Variants in DNAH12 observed in about 807,000 individuals in gnomAD.
DNAH12 encodes axonemal beta dynein heavy chain 12.
In DNAH12, 285 loss-of-function variants were observed where a neutral mutation model predicts 371.5. The observed-to-expected ratio is 0.77, with a 90% confidence interval of 0.70 to 0.85. The LOEUF (loss-of-function observed/expected upper bound fraction) is 0.85, where lower values mean the gene tolerates loss of function less well. Ranked by LOEUF, DNAH12 falls within the 40% of genes least tolerant of loss-of-function variation. DNAH12 has a pLI of 0.00. For synonymous variants in DNAH12, 1,200 were observed against 1,213.0 expected (o/e 0.99, Z 0.22); for missense variants, 3,611 against 3,689.4 (o/e 0.98, Z 0.55).
chr3:57,331,281 G>T (rs780764456), intron 62 of DNAH12, among the ~76,000 whole-genome samples: 7 of 152,146 alleles, frequency 4.6e-5, no homozygotes, highest in Non-Finnish European at 7.4e-5. Flanking sequence ...CCCATCAGGG[G>T]AGCCATTCTG....
At chr3:57,509,572 G>A (rs999429460) in intron 5 of DNAH12, among the ~76,000 whole-genome samples, 6 of 151,920 alleles carry the variant, frequency 3.9e-5, no homozygotes, top group South Asian at 4.1e-4. Context: ...GAGATTACGC[G>A]ACATGGAGGC....
intron 45 of DNAH12, among the ~76,000 whole-genome samples, chr3:57,391,581 A>G (rs2063624443): frequency 6.6e-6 from 1 of 152,194 alleles, no homozygotes; most frequent in African/African-American, 2.4e-5. Flanking sequence ...ACTCATCTTC[A>G]TGACTCAGAA....
chr3:57,495,030 G>T (rs568177669), intron 11 of DNAH12, among the ~76,000 whole-genome samples: 1 of 151,566 alleles, frequency 6.6e-6, no homozygotes, highest in African/African-American at 2.4e-5. Flanking sequence ...TGTTACTAGA[G>T]ATAAACAGAG....
chr3:57,418,598 C>T (rs1255637285), intron 37 of DNAH12, among the ~76,000 whole-genome samples: 2 of 151,256 alleles, frequency 1.3e-5, no homozygotes, highest in Non-Finnish European at 2.9e-5. Flanking sequence ...AATTGTCTTC[C>T]TTGCTTAGCT....
At chr3:57,308,120 CT>C (rs1251103838) in intron 69 of DNAH12, among the ~76,000 whole-genome samples, 6 of 152,290 alleles carry the variant, frequency 3.9e-5, no homozygotes, top group East Asian at 1.9e-4. Flanking sequence ...TTGACATGCC[CT>C]GAGTCAGGAA....
At chr3:57,355,398 A>G (rs1269298137) in intron 59 of DNAH12, among the ~76,000 whole-genome samples, 1 of 152,164 alleles carries the variant, frequency 6.6e-6, no homozygotes, top group Non-Finnish European at 1.5e-5. Flanking sequence ...AAATAAACAA[A>G]TGAACCTAAC....
At chr3:57,308,750 C>T (rs575305848) in intron 69 of DNAH12, among the ~76,000 whole-genome samples, 52 of 152,298 alleles carry the variant, frequency 3.4e-4, no homozygotes, top group African/African-American at 1.2e-3. Flanking sequence ...GGCAAGGCTA[C>T]GCTGAACCTC....
intron 43 of DNAH12, among the ~76,000 whole-genome samples, chr3:57,397,646 A>C (rs2063772796): frequency 6.6e-6 from 1 of 152,204 alleles, no homozygotes; most frequent in African/African-American, 2.4e-5. Context: ...GAGGAATACA[A>C]CGGAATCAGC....
At chr3:57,391,770 A>G (rs1016412269) in intron 45 of DNAH12, 102 bp downstream of exon 45, 1 of 152,226 alleles carries the variant, frequency 6.6e-6, no homozygotes, top group Non-Finnish European at 1.5e-5. Flanking sequence ...TAAGTGATCA[A>G]GAAACACTTG....
At chr3:57,503,804 A>C (rs1335057660) in intron 9 of DNAH12, among the ~76,000 whole-genome samples, 2 of 152,214 alleles carry the variant, frequency 1.3e-5, no homozygotes, top group Admixed American at 1.3e-4. Flanking sequence ...CAAATAAAAA[A>C]ATCAATTCAT....
intron 4 of DNAH12, among the ~76,000 whole-genome samples, chr3:57,521,751 G>A (rs2068454283): frequency 6.6e-6 from 1 of 151,786 alleles, no homozygotes; most frequent in East Asian, 1.9e-4. Context: ...GCTCGGCATG[G>A]TGGCAGGCGC....
intron 4 of DNAH12, among the ~76,000 whole-genome samples, chr3:57,516,035 A>C (rs1324672000): frequency 8.2e-6 from 1 of 121,964 alleles, no homozygotes; most frequent in Admixed American, 8.8e-5. Context: ...TGTCCACTCC[A>C]TTAATGTACT....
chr3:57,425,647 CATATT>C (rs2064743026), intron 34 of DNAH12, among the ~76,000 whole-genome samples: 2 of 152,238 alleles, frequency 1.3e-5, no homozygotes, highest in East Asian at 1.9e-4. Flanking sequence ...TTTAGTTTCC[CATATT>C]ATATTACACA....
chr3:57,423,644 G>A (rs1575582306), intron 35 of DNAH12, among the ~76,000 whole-genome samples: 1 of 152,108 alleles, frequency 6.6e-6, no homozygotes, highest in Non-Finnish European at 1.5e-5. Context: ...TGGGAAACCA[G>A]CATAGACCAG....
chr3:57,458,442 T>C (rs2065962647), intron 20 of DNAH12, among the ~76,000 whole-genome samples: 1 of 152,168 alleles, frequency 6.6e-6, no homozygotes, highest in Non-Finnish European at 1.5e-5. Flanking sequence ...AAATGACAAG[T>C]TATGATTGTC....
intron 29 of DNAH12, among the ~76,000 whole-genome samples, chr3:57,438,512 A>G (rs988257676): frequency 6.6e-6 from 1 of 152,208 alleles, no homozygotes; most frequent in African/African-American, 2.4e-5. Flanking sequence ...TGACAATATG[A>G]TGCTACACCT....
chr3:57,350,206 G>T (rs2062638765), intron 60 of DNAH12, among the ~76,000 whole-genome samples: 1 of 152,016 alleles, frequency 6.6e-6, no homozygotes, highest in South Asian at 2.1e-4. Flanking sequence ...GGTGATGGGT[G>T]CACCAAAATC....
rs565975307 is a variant in DNAH12 at position 57,444,809 on chromosome 3, C to A, written c.4433G>T (p.Arg1478Leu). ...PNENEDILLLRSIKDVNEPKF... is the reference protein window; with the variant it reads ...PNENEDILLLLSIKDVNEPKF... ...TGGTTCATTTACATCTTTAATTGAT[C>A]GAAGAAGCTAAAATTACCCAAAAAG... Residue 1478 changes from arginine to leucine, a missense_variant, in exon 29 of 74, where the codon CGA (arginine) becomes CTA (leucine). By Grantham distance (102) the Arg-to-Leu change is moderately radical (BLOSUM62 -2). Transcript: ENST00000495027. 2 of 1,540,164 alleles carry A rather than the reference C, an allele frequency of 1.3e-6. No individual in the cohort carries two copies. Among genetic ancestry groups the A allele is most frequent in the South Asian group, 2.5e-5 (2 of 81,318 alleles).
rs1311413469 is a variant in DNAH12 at position 57,403,340 on chromosome 3, T to C, written c.6917A>G (p.Tyr2306Cys). 2.6e-6 allele frequency: 4 copies of C among 1,551,006 alleles called. No homozygotes were observed. The highest frequency in any genetic ancestry group is 3.9e-5 in the Admixed American group (2 of 50,894). Residue 2306 changes from tyrosine (Y) to cysteine (C), a missense_variant, in exon 43 of 74, where the codon TAT becomes TGT. Physicochemically the swap from Tyr to Cys is radical, Grantham distance 194. Around this residue, in one of 3 missense-constraint regions of DNAH12, gnomAD observed 2,266 missense variants for 2,236.9 expected, o/e 1.01. Transcript: ENST00000495027. ...HIFQPEISKS[Y>C]GMNEWREDMK... ...ATCCTCTCTCCATTCATTCATACCA[T>C]AGCTCTTAGAAATTTCTGGTTGGAA... is the stretch of plus-strand genomic sequence containing the variant.
Sources: allele counts gnomAD v4.1 joint callset (sites outside exome capture counted in the v4.1 genomes callset), GRCh38; gene constraint gnomAD v4.1.1; regional missense constraint gnomAD v4.1.1; transcripts MANE v1.5; gene names NCBI Gene and HGNC (gene_info 2026-07-23, HGNC 2026-07-21).